Variants in ASXL3 observed in about 807,000 individuals in gnomAD.
ASXL3 encodes putative Polycomb group protein ASXL3.
Under a neutral mutation model 170.6 loss-of-function variants are expected in ASXL3, and 34 were observed. That is an observed-to-expected ratio of 0.20 (90% CI 0.15 to 0.27). ASXL3 has a LOEUF of 0.27. Among genes scored for constraint, ASXL3 ranks in the 10% least tolerant of loss-of-function variants. ASXL3 has a pLI of 1.00. For missense variants in ASXL3, 2,592 were observed against 2,695.3 expected, an observed-to-expected ratio of 0.96 and a Z score of 0.85; for synonymous variants, 1,002 against 989.1, an observed-to-expected ratio of 1.01 and a Z score of -0.24.
chr18:33,741,500 T>C (rs2067662141), intron 11 of ASXL3, among the ~76,000 whole-genome samples: 1 of 152,210 alleles, frequency 6.6e-6, no homozygotes, highest in Non-Finnish European at 1.5e-5. Flanking sequence ...TGCTTAAGGA[T>C]ATTTAAGTTT....
intron 8 of ASXL3, among the ~76,000 whole-genome samples, chr18:33,708,791 C>T (rs1053348961): frequency 4.6e-5 from 7 of 152,240 alleles, no homozygotes; most frequent in Admixed American, 3.3e-4. Context: ...ACACATCTTT[C>T]GTTTGAATTT....
intron 2 of ASXL3, among the ~76,000 whole-genome samples, chr18:33,615,295 A>G (rs1374241609): frequency 6.6e-6 from 1 of 152,090 alleles, no homozygotes; most frequent in Non-Finnish European, 1.5e-5. Flanking sequence ...TCATGAACCA[A>G]ACTTTGCTAG....
intron 10 of ASXL3, among the ~76,000 whole-genome samples, chr18:33,737,037 G>T (rs115509453): frequency 2.6e-5 from 4 of 152,106 alleles, no homozygotes; most frequent in South Asian, 2.1e-4. Context: ...CCAAGGAACC[G>T]TATTTCTTGC....
chr18:33,662,912 C>T (rs1407415649), intron 5 of ASXL3, among the ~76,000 whole-genome samples: 1 of 152,156 alleles, frequency 6.6e-6, no homozygotes. Context: ...CCTATCTTCT[C>T]CTGTACCTCA....
At chr18:33,585,782 G>A (rs1057153386) in intron 1 of ASXL3, among the ~76,000 whole-genome samples, 1 of 152,202 alleles carries the variant, frequency 6.6e-6, no homozygotes, top group African/African-American at 2.4e-5. Context: ...TTTAGACTCA[G>A]TGGACAGGCT....
intron 8 of ASXL3, among the ~76,000 whole-genome samples, chr18:33,712,079 G>A (rs1250508633): frequency 1.3e-5 from 2 of 152,108 alleles, no homozygotes; most frequent in Admixed American, 6.6e-5. Context: ...ACTAGATAAT[G>A]TATTGGCAAA....
At chr18:33,645,090 TAGA>T (rs2065899169) in intron 3 of ASXL3, 88 bp downstream of exon 3, 1 of 802,464 alleles carries the variant, frequency 1.2e-6, no homozygotes, top group African/African-American at 1.7e-5. Context: ...ATTTGAAGAG[TAGA>T]AGAATGACTC....
intron 7 of ASXL3, among the ~76,000 whole-genome samples, chr18:33,682,398 T>C (rs1428080832): frequency 6.6e-6 from 1 of 152,214 alleles, no homozygotes; most frequent in Non-Finnish European, 1.5e-5. Context: ...ATGCATCAGT[T>C]GACTGTCCCT....
At chr18:33,686,584 A>T (rs901095241) in intron 8 of ASXL3, among the ~76,000 whole-genome samples, 1 of 152,202 alleles carries the variant, frequency 6.6e-6, no homozygotes, top group South Asian at 2.1e-4. Flanking sequence ...AAGGAAAGGC[A>T]TGCCATTTAC....
chr18:33,627,233 T>C (rs978624269), intron 2 of ASXL3, among the ~76,000 whole-genome samples: 4 of 152,132 alleles, frequency 2.6e-5, no homozygotes, highest in African/African-American at 9.7e-5. Flanking sequence ...TAGAAGGTTA[T>C]GAGAGTGATT....
At chr18:33,677,151 ATTCCAATGTATTTTAT>A (rs1427239578) in intron 7 of ASXL3, among the ~76,000 whole-genome samples, 1 of 152,190 alleles carries the variant, frequency 6.6e-6, no homozygotes, top group Non-Finnish European at 1.5e-5. Flanking sequence ...TCTGGGATTC[ATTCCAATGTATTTTAT>A]TTGGTTTAAT....
intron 1 of ASXL3, among the ~76,000 whole-genome samples, chr18:33,603,840 A>G (rs1555718230): frequency 6.6e-6 from 1 of 152,078 alleles, no homozygotes; most frequent in Non-Finnish European, 1.5e-5. Context: ...CAAGAGAACA[A>G]TTTGTTTTAC....
At chr18:33,669,086 T>C (rs891754443) in intron 5 of ASXL3, among the ~76,000 whole-genome samples, 5 of 152,204 alleles carry the variant, frequency 3.3e-5, no homozygotes, top group African/African-American at 1.2e-4. Flanking sequence ...TGCTATGCTA[T>C]GTTGCTGTAT....
At chr18:33,648,277 G>A (rs540136799) in intron 4 of ASXL3, among the ~76,000 whole-genome samples, 83 of 152,192 alleles carry the variant, frequency 5.5e-4, no homozygotes, top group East Asian at 3.1e-3. Flanking sequence ...TAGAGGAGAG[G>A]TGTTGTTGAT....
At position 33,578,579 on chromosome 18, in the gene ASXL3, G is replaced by A; in HGVS notation, c.-53G>A. On this transcript the variant is annotated 5_prime_UTR_variant, in exon 1 of 12. Coordinates refer to ENST00000269197, the MANE Select transcript of ASXL3 (RefSeq NM_030632.3). ...CATTGTCTCCGCGCCCGAACCCCGA[G>A]CACCCCGTGGAATCCCCCACGTCAT... 1 of 1,162,996 alleles carries A rather than the reference G, an allele frequency of 8.6e-7. No individual in the cohort carries two copies. The highest frequency in any genetic ancestry group is 1.1e-6 in the Non-Finnish European group (1 of 898,692). 72.0% of individuals were successfully genotyped at this position (1,162,996 alleles called of 1,614,324 possible).
At chr18:33,606,508 A>G (rs781006720) in intron 1 of ASXL3, among the ~76,000 whole-genome samples, 11 of 152,000 alleles carry the variant, frequency 7.2e-5, no homozygotes, top group Non-Finnish European at 1.3e-4. Context: ...AAATTTGGTT[A>G]TTGACAGTAT....
rs1302438867 is a variant in ASXL3 at position 33,707,612 on chromosome 18, ATT to A, written c.879+24045_879+24046del. Among the ~76,000 whole-genome samples, 12 of 152,064 alleles carry A rather than the reference ATT, an allele frequency of 7.9e-5. No homozygotes were observed. In the South Asian group the frequency reaches 2.3e-3, roughly 29 times the overall value. On this transcript the variant is annotated intron_variant, in intron 8 of 11. Coordinates refer to ENST00000269197, the MANE Select transcript of ASXL3 (RefSeq NM_030632.3). ...CCTCTCAGTCAATACACAGAGTTAT[ATT>A]GTTTATAATAATTACAGTTTTATGT...
chr18:33,682,800 C>T (rs559973194), intron 7 of ASXL3, among the ~76,000 whole-genome samples: 8 of 152,252 alleles, frequency 5.3e-5, no homozygotes, highest in South Asian at 2.1e-4. Context: ...AGTCCTTCTG[C>T]CTCAGCCTCC....
intron 8 of ASXL3, among the ~76,000 whole-genome samples, chr18:33,712,503 T>C (rs2067085024): frequency 6.6e-6 from 1 of 152,208 alleles, no homozygotes; most frequent in Non-Finnish European, 1.5e-5. Context: ...GACTGCTCTC[T>C]TATTTCACCT....
Sources: gnomAD v4.1 joint callset for allele counts (sites outside exome capture counted in the v4.1 genomes callset) on GRCh38, gnomAD v4.1.1 for gene constraint, MANE v1.5 for transcripts, NCBI Gene and HGNC (gene_info 2026-07-23, HGNC 2026-07-21) for gene names.